The following UBR3 variants were observed in gnomAD, a reference collection of about 807,000 sequenced individuals.
UBR3 encodes the protein ubiquitin protein ligase E3 component n-recognin 3.
Under a neutral mutation model 243.2 loss-of-function variants are expected in UBR3, and 85 were observed. That is an observed-to-expected ratio of 0.35 (90% confidence interval 0.29 to 0.42). The LOEUF (loss-of-function observed/expected upper bound fraction) is 0.42, where lower values mean the gene tolerates loss of function less well. Ranked by LOEUF, UBR3 falls within the 10% of genes least tolerant of loss-of-function variation. UBR3 has a pLI of 1.00. For synonymous variants in UBR3, 748 were observed against 799.8 expected, an observed-to-expected ratio of 0.94 and a Z score of 1.09; for missense variants, 1,686 against 2,300.8, an observed-to-expected ratio of 0.73 and a Z score of 5.47.
chr2:169,850,474 C>T (rs766868136), intron 1 of UBR3, among the ~76,000 whole-genome samples: 2 of 152,164 alleles, frequency 1.3e-5, no homozygotes, highest in Non-Finnish European at 1.5e-5. Flanking sequence ...CCACCGCACC[C>T]GGCCTGCTCT....
rs977992123 is a variant in UBR3 at position 170,076,404 on chromosome 2, C to G, written c.5199+2797C>G. 4.6e-5 allele frequency among the ~76,000 whole-genome samples: 7 copies of G among 152,300 alleles called. No homozygotes were observed. In the South Asian group the frequency reaches 1.4e-3, roughly 32 times the overall value. ...AATGATGTAACCATTTTACTTATGA[C>G]TGCAAATGCATCTGTGACTTTCCCA... On this transcript the variant is annotated intron_variant, in intron 36 of 38. Coordinates refer to ENST00000272793, the MANE Select transcript of UBR3 (RefSeq NM_172070.4).
intron 35 of UBR3, among the ~76,000 whole-genome samples, chr2:170,068,765 C>T (rs2091635443): frequency 6.6e-6 from 1 of 151,796 alleles, no homozygotes; most frequent in Non-Finnish European, 1.5e-5. Context: ...AGAGGTGGTA[C>T]AAATGACCAG....
chr2:169,942,579 T>C lies in UBR3; in HGVS notation c.2750T>C (p.Met917Thr), dbSNP rs774117941. Residue 917 changes from methionine (M) to threonine (T), a missense_variant, in exon 20 of 39, where the codon ATG (methionine) becomes ACG (threonine). Met to Thr is a moderately conservative substitution (Grantham distance 81). Transcript: ENST00000272793. ...CTCCATCCTAGCTATAAAGGTCTTA[T>C]GAGACTTTTGCACTGTAAAACTTTA... is the stretch of plus-strand genomic sequence containing the variant. ...TSLHPSYKGL[M>T]RLLHCKTLHI... 6 of 1,550,466 alleles carry C rather than the reference T, an allele frequency of 3.9e-6. No homozygotes were observed. The highest frequency in any genetic ancestry group is 1.2e-5 in the South Asian group (1 of 83,986).
intron 36 of UBR3, 69 bp from the exon 37 acceptor site, chr2:170,079,745 T>C: frequency 7.3e-7 from 1 of 1,378,464 alleles, no homozygotes; most frequent in Non-Finnish European, 9.8e-7. Flanking sequence ...TAAAAATACA[T>C]TTAAAAAATA....
intron 31 of UBR3, among the ~76,000 whole-genome samples, chr2:170,033,577 ACCCACC>A (rs1234830551): frequency 0.08 from 3,149 of 39,472 alleles, 309 homozygotes; most frequent in Middle Eastern, 0.1. Flanking sequence ...GTTTTTCCAC[ACCCACC>A]CCCCCCCCCC....
At chr2:170,044,505 C>A (rs902422920) in intron 32 of UBR3, among the ~76,000 whole-genome samples, 5 of 152,066 alleles carry the variant, frequency 3.3e-5, no homozygotes, top group African/African-American at 1.2e-4. Context: ...TAATACCCAT[C>A]ACATCACTGG....
intron 5 of UBR3, among the ~76,000 whole-genome samples, chr2:169,890,948 A>G (rs552129681): frequency 6.6e-6 from 1 of 150,670 alleles, no homozygotes; most frequent in Non-Finnish European, 1.5e-5. Flanking sequence ...CAGAGATTAC[A>G]TTTAAGAGCT....
chr2:169,935,285 C>T (rs182812550), intron 19 of UBR3, among the ~76,000 whole-genome samples: 39 of 152,202 alleles, frequency 2.6e-4, no homozygotes, highest in Non-Finnish European at 4.7e-4. Flanking sequence ...CCCATCTTAC[C>T]CCCCTGAGTA....
chr2:170,055,401 CTA>C, intron 32 of UBR3, 57 bp from the exon 33 acceptor site: 1 of 1,573,388 alleles, frequency 6.4e-7, no homozygotes, highest in African/African-American at 1.4e-5. Flanking sequence ...ATTTGTAAAA[CTA>C]TGTTGAGTAC....
rs1343 is a variant in UBR3, at chr2:170,082,149, G to A, written c.*306G>A. ...TCAGAAATGATTCTCCCAACAATGC[G>A]TATCAGCTATTCATTGATACTTAGA... On this transcript the variant is annotated 3_prime_UTR_variant, in exon 39 of 39. Transcript: ENST00000272793. 153,777 of 214,746 alleles carry A rather than the reference G, an allele frequency of 0.72. 57,034 individuals are homozygous for A. Among genetic ancestry groups the A allele is most frequent in the Middle Eastern group, 0.84 (545 of 646 alleles). 13.3% of individuals were successfully genotyped at this position (214,746 alleles called of 1,614,324 possible).
intron 1 of UBR3, among the ~76,000 whole-genome samples, chr2:169,828,922 A>G (rs932211011): frequency 3.3e-5 from 5 of 152,224 alleles, no homozygotes; most frequent in Non-Finnish European, 7.3e-5. Flanking sequence ...CAGAGTTTGC[A>G]GTGAGTTACA....
chr2:169,894,277 T>G (rs1315072804), intron 6 of UBR3, among the ~76,000 whole-genome samples: 1 of 130,932 alleles, frequency 7.6e-6, no homozygotes, highest in African/African-American at 2.9e-5. Flanking sequence ...GAGCTATGAT[T>G]ACGCCACTGC....
chr2:169,965,447 C>A (rs1306516480), intron 24 of UBR3, among the ~76,000 whole-genome samples: 1 of 152,118 alleles, frequency 6.6e-6, no homozygotes, highest in East Asian at 1.9e-4. Context: ...TGGGTAGTAT[C>A]AAACCCCATA....
At chr2:169,975,713 T>C (rs2088402976) in intron 24 of UBR3, among the ~76,000 whole-genome samples, 1 of 152,122 alleles carries the variant, frequency 6.6e-6, no homozygotes, top group African/African-American at 2.4e-5. Flanking sequence ...CCCAGGAGGC[T>C]GAGATGGGAG....
At position 169,827,631 on chromosome 2, in the gene UBR3, C is replaced by A; in HGVS notation, c.124C>A (p.Pro42Thr). ...GCACCTCAAGGCGGCCCTCAGCCGG[C>A]CGGACAACCGCGCAGGTGCTGAGGA... ...AAHLKAALSRPDNRAGAEELQ... is the reference protein window; with the variant it reads ...AAHLKAALSRTDNRAGAEELQ... The change falls in exon 1 of 39, where the codon CCG becomes ACG. Residue 42 changes from proline (P) to threonine (T), a missense_variant. By Grantham distance (38) the Pro-to-Thr change is conservative. This residue lies in a region of UBR3 where 79 missense variants were observed against 73.2 expected (regional missense o/e 1.08). Transcript: ENST00000272793. The A allele has an allele frequency of 7.9e-7, 1 of 1,266,306 alleles. No homozygotes were observed. The highest frequency in any genetic ancestry group is 9.9e-7 in the Non-Finnish European group (1 of 1,005,472). 78.4% of individuals were successfully genotyped at this position (1,266,306 alleles called of 1,614,324 possible). A position where few individuals can be genotyped will look rare whatever the true frequency, so the allele number is the denominator to read the frequency against.
rs183132388 is a variant in UBR3, at chr2:169,896,623, C to T, written c.1353C>T (p.Phe451=). ...TTGTGCATATTAGTGTTCAGTTGTTCAGCAATGAGGAGCTAGCCAGACAGG... is the reference window on the plus strand; with the variant it reads ...TTGTGCATATTAGTGTTCAGTTGTTTAGCAATGAGGAGCTAGCCAGACAGG... ...NRIVHISVQL[F]SNEELARQVT... is the part of the protein sequence containing the mutation. Residue 451 remains phenylalanine (F), a synonymous_variant, in exon 8 of 39, where the codon TTC becomes TTT. Transcript: ENST00000272793. 845 of 1,551,162 alleles carry T rather than the reference C, an allele frequency of 5.4e-4. 1 individual carries two copies. Among genetic ancestry groups the T allele is most frequent in the Non-Finnish European group, 7.1e-4 (819 of 1,146,782 alleles).
chr2:170,046,848 T>C (rs1043691851), intron 32 of UBR3, among the ~76,000 whole-genome samples: 4 of 152,184 alleles, frequency 2.6e-5, no homozygotes, highest in Non-Finnish European at 5.9e-5. Flanking sequence ...ATTGCTTTTT[T>C]CCCAGTATTA....
At chr2:169,880,623 CGTGT>C (rs961526118) in intron 5 of UBR3, among the ~76,000 whole-genome samples, 1 of 151,940 alleles carries the variant, frequency 6.6e-6, no homozygotes, top group Non-Finnish European at 1.5e-5. Context: ...TGTGTGTGCA[CGTGT>C]GTGTGTATTG....
intron 32 of UBR3, among the ~76,000 whole-genome samples, chr2:170,047,193 C>CG (rs34586778): frequency 3.4e-3 from 62 of 18,294 alleles, no homozygotes; most frequent in African/African-American, 4.9e-3. Context: ...GTGGCGGTGT[C>CG]GGGGGGGGGG....
Sources: gnomAD v4.1 joint callset for allele counts (sites outside exome capture counted in the v4.1 genomes callset) on GRCh38, gnomAD v4.1.1 for gene constraint, gnomAD v4.1.1 regional missense constraint, MANE v1.5 for transcripts, NCBI Gene and HGNC (gene_info 2026-07-23, HGNC 2026-07-21) for gene names.